The following ALAS1 variants were observed in gnomAD, a reference collection of about 807,000 sequenced individuals.
The protein encoded by ALAS1 is 5'-aminolevulinate synthase 1.
Under a neutral mutation model 59.6 loss-of-function variants are expected in ALAS1, and 29 were observed. That is an observed-to-expected ratio of 0.49 (90% confidence interval 0.36 to 0.66). The LOEUF is 0.66. Ranked by LOEUF, ALAS1 falls within the 30% of genes least tolerant of loss-of-function variation. The pLI, the probability that ALAS1 is intolerant of heterozygous loss-of-function variation, is 0.00. For synonymous variants in ALAS1, 299 were observed against 296.6 expected (o/e 1.01, Z -0.08); for missense variants, 690 against 807.5 (o/e 0.85, Z 1.76).
chr3:52,212,113 A>C, intron 10 of ALAS1, 145 bp from the exon 11 acceptor site: 1 of 716,346 alleles, frequency 1.4e-6, no homozygotes, highest in Non-Finnish European at 2.4e-6. Context: ...GTGTTTGGGC[A>C]GCGCTTTCCC....
rs1435450907 is a variant in ALAS1, at chr3:52,204,824, G to C, written c.709G>C (p.Asp237His). ...HIFPMADDYSDSLITKKQVSV... is the reference protein window; with the variant it reads ...HIFPMADDYSHSLITKKQVSV... ...CTTCCCCATGGCAGATGACTATTCA[G>C]ACTCCCTCATCACCAAAAAGCAAGT... The change falls in exon 6 of 12, where the codon GAC becomes CAC. Residue 237 changes from aspartate (D) to histidine (H), a missense_variant. Asp to His is a moderately conservative substitution (Grantham distance 81, BLOSUM62 -1). Transcript: ENST00000484952. 3 of 1,614,142 alleles carry C rather than the reference G, an allele frequency of 1.9e-6. No individual in the cohort carries two copies. In the South Asian group the frequency reaches 3.3e-5, roughly 18 times the overall value.
At chr3:52,200,678 G>A (rs1202207462) in intron 3 of ALAS1, among the ~76,000 whole-genome samples, 2 of 152,218 alleles carry the variant, frequency 1.3e-5, no homozygotes, top group Non-Finnish European at 2.9e-5. Flanking sequence ...AGAGGTTGCA[G>A]TGAGCTGAGA....
At chr3:52,208,990 G>A (rs1292492410) in intron 9 of ALAS1, among the ~76,000 whole-genome samples, 1 of 152,164 alleles carries the variant, frequency 6.6e-6, no homozygotes, top group Non-Finnish European at 1.5e-5. Context: ...TCAGAAGTGG[G>A]TAAGGCAGTT....
chr3:52,198,793 G>A lies in ALAS1; in HGVS notation c.-88G>A. 1 of 1,535,630 alleles carries A rather than the reference G, an allele frequency of 6.5e-7. No homozygotes were observed. The highest frequency in any genetic ancestry group is 8.7e-7 in the Non-Finnish European group (1 of 1,146,874). Reference sequence around the variant, plus strand: ...GATGTGGGGACCAGGAGAAAGTCAGGATCCCTAAGAGTCTTCCCTGCCTGG... The same window carrying A: ...GATGTGGGGACCAGGAGAAAGTCAGAATCCCTAAGAGTCTTCCCTGCCTGG... On this transcript the variant is annotated 5_prime_UTR_variant, in exon 2 of 12. Coordinates refer to ENST00000484952, the MANE Select transcript of ALAS1 (RefSeq NM_000688.6).
intron 3 of ALAS1, among the ~76,000 whole-genome samples, chr3:52,201,696 G>A (rs1166349480): frequency 6.6e-6 from 1 of 152,154 alleles, no homozygotes; most frequent in Non-Finnish European, 1.5e-5. Context: ...GGTCAAAGCT[G>A]CAGTTAGCTA....
chr3:52,213,795 A>G (rs1371354488), intron 11 of ALAS1, among the ~76,000 whole-genome samples: 1 of 152,234 alleles, frequency 6.6e-6, no homozygotes, highest in Non-Finnish European at 1.5e-5. Flanking sequence ...ATGCTGTAGC[A>G]TTCATCAGCA....
intron 8 of ALAS1, 44 bp from the exon 9 acceptor site, chr3:52,208,039 G>T (rs1699329855): frequency 6.8e-7 from 1 of 1,472,232 alleles, no homozygotes; most frequent in Non-Finnish European, 9.0e-7. Flanking sequence ...AGAAATTTCT[G>T]AAGCGGCAAA....
intron 7 of ALAS1, 77 bp downstream of exon 7, chr3:52,206,100 C>G (rs1699286803): frequency 3.0e-6 from 4 of 1,333,224 alleles, no homozygotes; most frequent in Non-Finnish European, 4.1e-6. Context: ...AACAAAGAAG[C>G]CTTACCAGAA....
At position 52,204,914 on chromosome 3, in the gene ALAS1, A is replaced by T. The variant is rs371924643; in HGVS notation, c.799A>T (p.Met267Leu). Residue 267 changes from methionine to leucine, a missense_variant and splice_region_variant, in exon 6 of 12, where the codon ATG becomes TTG. Met to Leu is a conservative substitution (Grantham distance 15, BLOSUM62 2). Coordinates refer to ENST00000484952, the MANE Select transcript of ALAS1 (RefSeq NM_000688.6). ...SRHPRVCGAV[M>L]DTLKQHGAGA... ...CCACCCACGGGTGTGTGGGGCAGTTATGTAAGTAGCCCTTGGCTTTCAAAT... is the reference window on the plus strand; with the variant it reads ...CCACCCACGGGTGTGTGGGGCAGTTTTGTAAGTAGCCCTTGGCTTTCAAAT... 60 of 1,612,388 alleles carry T rather than the reference A, an allele frequency of 3.7e-5. No individual in the cohort carries two copies. The highest frequency in any genetic ancestry group is 4.9e-5 in the Non-Finnish European group (58 of 1,178,684).
intron 5 of ALAS1, 131 bp from the exon 6 acceptor site, chr3:52,204,562 T>TA: frequency 1.4e-6 from 1 of 709,038 alleles, no homozygotes; most frequent in Non-Finnish European, 2.4e-6. Flanking sequence ...CTTATTTACT[T>TA]ACAAGATGAG....
At chr3:52,205,389 G>C (rs1195307415) in intron 6 of ALAS1, among the ~76,000 whole-genome samples, 2 of 152,154 alleles carry the variant, frequency 1.3e-5, no homozygotes, top group Non-Finnish European at 2.9e-5. Flanking sequence ...TTCTCCAAAG[G>C]CTTGCTAAAG....
chr3:52,211,264 T>C lies in ALAS1; in HGVS notation c.1331-19T>C, dbSNP rs962984421. On this transcript the variant is annotated intron_variant, in intron 9 of 11. Coordinates refer to ENST00000484952, the MANE Select transcript of ALAS1 (RefSeq NM_000688.6). ...AATTTACAGCTGTTGCTGTAATTAA[T>C]GAAGCTATCTCCTCCCAGGCAAAGC... 6 of 1,608,008 alleles carry C rather than the reference T, an allele frequency of 3.7e-6. No homozygotes were observed. In the African/African-American group the frequency reaches 4.0e-5, roughly 11 times the overall value.
At chr3:52,206,512 C>A (rs182594700) in intron 7 of ALAS1, 60 bp from the exon 8 acceptor site, 6 of 1,544,292 alleles carry the variant, frequency 3.9e-6, no homozygotes, top group Non-Finnish European at 5.3e-6. Context: ...TGTTGTCTTT[C>A]TCTAGGAAAT....
chr3:52,211,357 G>T lies in ALAS1; in HGVS notation c.1405G>T (p.Ala469Ser), dbSNP rs967759674. ...SLIDTVRSYA[A>S]GFIFTTSLPP... ...GATTGACACCGTACGGTCCTATGCTGCTGGCTTCATCTTCACCACCTCTCT... is the reference window on the plus strand; with the variant it reads ...GATTGACACCGTACGGTCCTATGCTTCTGGCTTCATCTTCACCACCTCTCT... Residue 469 changes from alanine (A) to serine (S), a missense_variant, in exon 10 of 12, where the codon GCT becomes TCT. Ala to Ser is a moderately conservative substitution (Grantham distance 99). Transcript: ENST00000484952. 1 of 1,614,222 alleles carries T rather than the reference G, an allele frequency of 6.2e-7. No individual in the cohort carries two copies. The highest frequency in any genetic ancestry group is 1.3e-5 in the African/African-American group (1 of 75,044).
rs753605880 is a variant in ALAS1 at position 52,204,046 on chromosome 3, A to G, written c.577+34A>G. The G allele has an allele frequency of 3.4e-5, 54 of 1,575,580 alleles. No individual in the cohort carries two copies. The African/African-American group carries it at 5.7e-4, about 17-fold the overall frequency. ...CATTGTTATTTGCCTGATGTAGAAA[A>G]GAATTTATAATTCAAATGTACATTA... On this transcript the variant is annotated intron_variant, in intron 5 of 11. Coordinates refer to ENST00000484952, the MANE Select transcript of ALAS1 (RefSeq NM_000688.6).
chr3:52,208,647 G>T (rs569892515), intron 9 of ALAS1, among the ~76,000 whole-genome samples: 1 of 152,290 alleles, frequency 6.6e-6, no homozygotes, highest in East Asian at 1.9e-4. Context: ...TGCCTGCCAC[G>T]TGGGAACATT....
At chr3:52,212,826 C>T (rs1327936559) in intron 11 of ALAS1, among the ~76,000 whole-genome samples, 8 of 152,158 alleles carry the variant, frequency 5.3e-5, no homozygotes, top group African/African-American at 1.7e-4. Flanking sequence ...CCCTGGTGCC[C>T]GGCCTGTTTC....
Position 52,202,847 on chromosome 3 carries a change from C to T in ALAS1, c.427+113C>T. ...AGGGCAGTATTTATGGAAACACCTT[C>T]CTCTTTTAGGGCCAGAGAGGAAGGT... On this transcript the variant is annotated intron_variant, in intron 4 of 11. Coordinates refer to ENST00000484952, the MANE Select transcript of ALAS1 (RefSeq NM_000688.6). 3 of 1,009,924 alleles carry T rather than the reference C, an allele frequency of 3.0e-6. No homozygotes were observed. The East Asian group carries it at 7.9e-5, about 27-fold the overall frequency. 62.6% of individuals were successfully genotyped at this position (1,009,924 alleles called of 1,614,324 possible). A position where few individuals can be genotyped will look rare whatever the true frequency, so the allele number is the denominator to read the frequency against.
chr3:52,212,523 T>A, intron 11 of ALAS1, 103 bp downstream of exon 11: 1 of 1,461,188 alleles, frequency 6.8e-7, no homozygotes, highest in Non-Finnish European at 9.5e-7. Flanking sequence ...GATTTGTTTC[T>A]TCTTCTTTTT....
Sources: gnomAD v4.1 joint callset for allele counts (sites outside exome capture counted in the v4.1 genomes callset) on GRCh38, gnomAD v4.1.1 for gene constraint, MANE v1.5 for transcripts, NCBI Gene and HGNC (gene_info 2026-07-23, HGNC 2026-07-21) for gene names.